The following BRD4 variants were observed in gnomAD, a reference collection of about 807,000 sequenced individuals.
BRD4 encodes the protein bromodomain-containing protein 4.
In BRD4, 16 loss-of-function variants were observed where a neutral mutation model predicts 142.1. The observed-to-expected ratio is 0.11, with a 90% confidence interval of 0.08 to 0.17. BRD4 has a LOEUF of 0.17. Ranked by LOEUF, BRD4 falls within the 10% of genes least tolerant of loss-of-function variation. The pLI, the probability that BRD4 is intolerant of heterozygous loss-of-function variation, is 1.00. For synonymous variants in BRD4, 833 were observed against 707.5 expected, an observed-to-expected ratio of 1.18 and a Z score of -2.82; for missense variants, 1,424 against 1,810.9, an observed-to-expected ratio of 0.79 and a Z score of 3.88.
intron 11 of BRD4, chr19:15,248,648 T>A (rs2047313543): frequency 8.8e-6 from 2 of 227,564 alleles, no homozygotes; most frequent in African/African-American, 4.4e-5. Context: ...TCCAAAAGGC[T>A]CAGAGTCAGC....
At chr19:15,240,063 G>C (rs984889293) in intron 14 of BRD4, 41 bp from the exon 15 acceptor site, 1 of 1,572,244 alleles carries the variant, frequency 6.4e-7, no homozygotes, top group Non-Finnish European at 8.6e-7. Context: ...GGCTGGCTTA[G>C]AACTGCTGGC....
intron 1 of BRD4, among the ~76,000 whole-genome samples, chr19:15,276,805 C>T (rs1244844158): frequency 6.6e-6 from 1 of 152,126 alleles, no homozygotes; most frequent in Non-Finnish European, 1.5e-5. Context: ...TAGGACTCAG[C>T]GGTTGACATG....
At chr19:15,287,516 A>G (rs1419407374) in intron 1 of BRD4, among the ~76,000 whole-genome samples, 1 of 152,100 alleles carries the variant, frequency 6.6e-6, no homozygotes, top group African/African-American at 2.4e-5. Context: ...AAGTGCTGGG[A>G]CTACAGATGA....
intron 14 of BRD4, among the ~76,000 whole-genome samples, chr19:15,242,472 G>A (rs778676309): frequency 4.6e-5 from 7 of 152,142 alleles, no homozygotes; most frequent in South Asian, 2.1e-4. Flanking sequence ...TTCCAGCTCA[G>A]TGCTCCCCAC....
intron 1 of BRD4, among the ~76,000 whole-genome samples, chr19:15,282,478 A>G (rs914440152): frequency 3.3e-5 from 5 of 152,168 alleles, no homozygotes; most frequent in African/African-American, 1.2e-4. Context: ...ACACATGTAA[A>G]AACTACTCAG....
chr19:15,303,990 T>C (rs577078454), intron 1 of BRD4, among the ~76,000 whole-genome samples: 9 of 152,270 alleles, frequency 5.9e-5, no homozygotes, highest in African/African-American at 1.9e-4. Context: ...GCTCTCACAT[T>C]TGACCACCAA....
Position 15,242,964 on chromosome 19 carries a change from C to T in BRD4, c.3105G>A (p.Lys1035=), listed in dbSNP as rs201011250. Residue 1035 remains lysine, a synonymous_variant, in exon 14 of 20, where the codon AAG becomes AAA. Coordinates refer to ENST00000679869, the MANE Select transcript of BRD4 (RefSeq NM_001379291.1). ...GGTGGTGCTGGATGACTTGCTGAGG[C>T]TTGGCAGGCTGCGGCGGGGGTGGCT... ...GQQPPPPQPA[K]PQQVIQHHHS... is the part of the protein sequence containing the mutation. 297 of 1,419,600 alleles carry T rather than the reference C, an allele frequency of 2.1e-4. 4 individuals are homozygous for T. The highest frequency in any genetic ancestry group is 2.0e-3 in the South Asian group (177 of 86,780). 87.9% of individuals were successfully genotyped at this position (1,419,600 alleles called of 1,614,324 possible). A position where few individuals can be genotyped will look rare whatever the true frequency, so the allele number is the denominator to read the frequency against.
At position 15,273,124 on chromosome 19, in the gene BRD4, A is replaced by G; in HGVS notation, c.-25T>C. 1 of 1,557,952 alleles carries G rather than the reference A, an allele frequency of 6.4e-7. No homozygotes were observed. Among genetic ancestry groups the G allele is most frequent in the Non-Finnish European group, 8.7e-7 (1 of 1,149,304 alleles). Reference sequence around the variant, plus strand: ...TGCTAGTGATCCCATCACATTCTTCACCAGGCACTCTACAAAGGAAGAGAA... The same window carrying G: ...TGCTAGTGATCCCATCACATTCTTCGCCAGGCACTCTACAAAGGAAGAGAA... On this transcript the variant is annotated 5_prime_UTR_variant, in exon 2 of 20. Coordinates refer to ENST00000679869, the MANE Select transcript of BRD4 (RefSeq NM_001379291.1).
Position 15,239,562 on chromosome 19 carries a change from C to T in BRD4, c.3446-40G>A, listed in dbSNP as rs765914805. 102 of 1,581,656 alleles carry T rather than the reference C, an allele frequency of 6.4e-5. No individual in the cohort carries two copies. Among genetic ancestry groups the T allele is most frequent in the East Asian group, 2.2e-5 (1 of 44,638 alleles). On this transcript the variant is annotated intron_variant, in intron 16 of 19. Coordinates refer to ENST00000679869, the MANE Select transcript of BRD4 (RefSeq NM_001379291.1). The surrounding 1 kb of genome is among the most constrained non-coding windows in gnomAD (Gnocchi z 7.4). ...GCCGGTGGGCCCTGGCCCACCTCAC[C>T]CCAGTGGGGCATGGTCCACCAGCCC...
In BRD4 at chr19:15,314,147, C is replaced by A. The variant is rs567111912; in HGVS notation, c.-35+18143G>T. 3.3e-5 allele frequency among the ~76,000 whole-genome samples: 5 copies of A among 152,336 alleles called. No homozygotes were observed. In the South Asian group the frequency reaches 1.0e-3, roughly 32 times the overall value. Reference sequence around the variant, plus strand: ...TGTGCTTGAACTTTCGTTCGCACTTCACATTTTCCACACACAAATATAATG... The same window carrying A: ...TGTGCTTGAACTTTCGTTCGCACTTAACATTTTCCACACACAAATATAATG... On this transcript the variant is annotated intron_variant, in intron 1 of 19. Coordinates refer to ENST00000679869, the MANE Select transcript of BRD4 (RefSeq NM_001379291.1).
At chr19:15,282,304 G>C (rs2047710923) in intron 1 of BRD4, among the ~76,000 whole-genome samples, 1 of 152,254 alleles carries the variant, frequency 6.6e-6, no homozygotes, top group African/African-American at 2.4e-5. Context: ...GAAGGTAAGA[G>C]AATGTGATGT....
rs115639284 is a variant in BRD4, at chr19:15,322,399, A to C, written c.-35+9891T>G. 8.7e-3 allele frequency among the ~76,000 whole-genome samples: 1,328 copies of C among 152,054 alleles called. 23 individuals carry two copies. Among genetic ancestry groups the C allele is most frequent in the African/African-American group, 0.031 (1,270 of 41,476 alleles). On this transcript the variant is annotated intron_variant, in intron 1 of 19. Transcript: ENST00000679869. ...CCATTCTCCTCCCTCAAGCCATGCC[A>C]TGACCCATGGTTTTAAAAACACAAA...
At position 15,265,309 on chromosome 19, in the gene BRD4, C is replaced by T. The variant is rs192637496; in HGVS notation, c.849+45G>A. On this transcript the variant is annotated intron_variant, in intron 5 of 19. Coordinates refer to ENST00000679869, the MANE Select transcript of BRD4 (RefSeq NM_001379291.1). ...TAAAGCACGGGCAAGGACAGGGCCG[C>T]TCTCCTCCCTGGTGAAGCAGCCCTC... is the stretch of plus-strand genomic sequence containing the variant. 9.5e-4 allele frequency: 1,389 copies of T among 1,454,756 alleles called. 1 individual carries two copies. The highest frequency in any genetic ancestry group is 4.6e-3 in the African/African-American group (327 of 70,402). The allele number at this position is 1,454,756 out of a possible 1,614,324, so 90.1% of individuals were successfully genotyped here.
At chr19:15,317,905 A>G (rs1010907291) in intron 1 of BRD4, among the ~76,000 whole-genome samples, 1 of 152,256 alleles carries the variant, frequency 6.6e-6, no homozygotes. Context: ...CCAGGCAGCT[A>G]ATCTGTCAGC....
chr19:15,310,223 T>TC (rs2047955430), intron 1 of BRD4, among the ~76,000 whole-genome samples: 1 of 149,898 alleles, frequency 6.7e-6, no homozygotes, highest in Admixed American at 6.7e-5. Flanking sequence ...CTTTTTTTTT[T>TC]TTTTTTTTGA....
At chr19:15,298,922 GTAACTGCTGGCACATCGTGTC>G (rs1321528719) in intron 1 of BRD4, among the ~76,000 whole-genome samples, 2 of 152,146 alleles carry the variant, frequency 1.3e-5, no homozygotes, top group Non-Finnish European at 2.9e-5. Context: ...TGGCATTTGG[GTAACTGCTGGCACATCGTGTC>G]ACCTTTACAG....
intron 1 of BRD4, among the ~76,000 whole-genome samples, chr19:15,296,788 T>C (rs2047826463): frequency 6.6e-6 from 1 of 152,206 alleles, no homozygotes; most frequent in Non-Finnish European, 1.5e-5. Flanking sequence ...CTCTAAATCC[T>C]CTGAAAATTC....
intron 2 of BRD4, among the ~76,000 whole-genome samples, chr19:15,272,036 C>A (rs1168037207): frequency 6.9e-6 from 1 of 144,244 alleles, no homozygotes; most frequent in East Asian, 1.9e-4. Context: ...CAGCAAAGGA[C>A]AATTTAAAGA....
At chr19:15,313,323 A>G (rs1308314193) in intron 1 of BRD4, among the ~76,000 whole-genome samples, 2 of 150,540 alleles carry the variant, frequency 1.3e-5, no homozygotes, top group African/African-American at 4.9e-5. Flanking sequence ...CCGTAAGCCA[A>G]TATCGTGCCA....
Sources: allele counts gnomAD v4.1 joint callset (sites outside exome capture counted in the v4.1 genomes callset), GRCh38; gene constraint gnomAD v4.1.1; non-coding constraint Gnocchi (gnomAD v3.1); transcripts MANE v1.5; gene names NCBI Gene and HGNC (gene_info 2026-07-23, HGNC 2026-07-21).